Variants in USO1 observed in about 807,000 individuals in gnomAD.
USO1 encodes the protein USO1 vesicle transport factor.
Under a neutral mutation model 124.5 loss-of-function variants are expected in USO1, and 57 were observed. That is an observed-to-expected ratio of 0.46 (90% CI 0.37 to 0.57). USO1 has a LOEUF of 0.57. Among genes scored for constraint, USO1 ranks in the 20% least tolerant of loss-of-function variants. USO1 has a pLI of 0.00. For synonymous variants in USO1, 369 were observed against 362.8 expected (o/e 1.02, Z -0.19); for missense variants, 900 against 1,040.6 (o/e 0.86, Z 1.86).
intron 4 of USO1, among the ~76,000 whole-genome samples, chr4:75,766,155 A>T (rs1375597936): frequency 6.6e-6 from 1 of 152,156 alleles, no homozygotes; most frequent in African/African-American, 2.4e-5. Flanking sequence ...TATAACTTTT[A>T]TGAGAAAGAG....
At position 75,806,564 on chromosome 4, in the gene USO1, T is replaced by C. The variant is rs768494235; in HGVS notation, c.2368T>C (p.Leu790=). The stretch of plus-strand genomic sequence containing the variant: ...TAGAGATTCTGAACAAGTTGCAGAA[T>C]TAAAACAGGTAATTTTCCACTTTGA... ...SARDSEQVAE[L]KQELATLKSQ... The change falls in exon 20 of 24, where the codon TTA becomes CTA. Residue 790 remains leucine, a synonymous_variant. Transcript: ENST00000514213. 12 of 1,554,048 alleles carry C rather than the reference T, an allele frequency of 7.7e-6. No individual in the cohort carries two copies. The highest frequency in any genetic ancestry group is 1.0e-5 in the Non-Finnish European group (12 of 1,148,194).
chr4:75,741,181 G>C (rs935388613), intron 1 of USO1, among the ~76,000 whole-genome samples: 1 of 152,114 alleles, frequency 6.6e-6, no homozygotes, highest in African/African-American at 2.4e-5. Context: ...AATACTGTAG[G>C]CAATTATAAC....
chr4:75,759,259 T>TTTTTTTTTC (rs1353469154), intron 4 of USO1, among the ~76,000 whole-genome samples: 3 of 143,942 alleles, frequency 2.1e-5, no homozygotes, highest in Non-Finnish European at 3.0e-5. Context: ...TTTTTTTTTT[T>TTTTTTTTTC]TTTTTCTGAA....
intron 1 of USO1, 157 bp downstream of exon 1, chr4:75,725,042 G>C (rs1342255810): frequency 1.3e-6 from 1 of 787,268 alleles, no homozygotes; most frequent in Non-Finnish European, 2.0e-6. Flanking sequence ...TGAAATCCCA[G>C]AGTTATTCAA....
rs1174083604 is a variant in USO1 at position 75,770,556 on chromosome 4, G to T, written c.396+17G>T. ...TTATTGGAGGTAAATAGGGAACCTT[G>T]ATGTTTTTGTCATCTTAATAAGCTG... On this transcript the variant is annotated intron_variant, in intron 5 of 23. Coordinates refer to ENST00000514213, the MANE Select transcript of USO1 (RefSeq NM_003715.4). The T allele has an allele frequency of 6.5e-7, 1 of 1,548,708 alleles. No homozygotes were observed.
Position 75,724,711 on chromosome 4 carries a change from G to C in USO1, c.-109G>C, listed in dbSNP as rs900489881. ...CGAGTTGGAGGCGGTGGTGGCAGCA[G>C]TAGGAGTGTGTAGAGTGCGGGATTG... is the stretch of plus-strand genomic sequence containing the variant. On this transcript the variant is annotated 5_prime_UTR_variant, in exon 1 of 24. Transcript: ENST00000514213. 8.9e-7 allele frequency: 1 copy of C among 1,127,638 alleles called. No individual in the cohort carries two copies. Among genetic ancestry groups the C allele is most frequent in the African/African-American group, 1.6e-5 (1 of 63,890 alleles). The allele number at this position is 1,127,638 out of a possible 1,614,324, so 69.9% of individuals were successfully genotyped here. A position where few individuals can be genotyped will look rare whatever the true frequency, so the allele number is the denominator to read the frequency against.
rs1324984157 is a variant in USO1 at position 75,801,146 on chromosome 4, A to G, written c.1932A>G (p.Thr644=). The G allele has an allele frequency of 1.2e-6, 2 of 1,611,104 alleles. No individual in the cohort carries two copies. Among genetic ancestry groups the G allele is most frequent in the South Asian group, 2.2e-5 (2 of 90,436 alleles). The change falls in exon 17 of 24, where the codon ACA becomes ACG. Residue 644 remains threonine (T), a synonymous_variant. Transcript: ENST00000514213. ...EDKKEEEVKK[T]LEQHDNIVTH... Reference sequence around the variant, plus strand: ...AAAAAGAAGAAGAGGTGAAAAAAACATTAGAACAGCATGACAATATTGTGA... The same window carrying G: ...AAAAAGAAGAAGAGGTGAAAAAAACGTTAGAACAGCATGACAATATTGTGA...
intron 4 of USO1, among the ~76,000 whole-genome samples, chr4:75,760,781 AT>A (rs1473760431): frequency 6.6e-6 from 1 of 152,226 alleles, no homozygotes; most frequent in African/African-American, 2.4e-5. Flanking sequence ...CATTACTATT[AT>A]TTCTGCAGCT....
intron 22 of USO1, among the ~76,000 whole-genome samples, chr4:75,811,132 A>G (rs1183409400): frequency 6.6e-6 from 1 of 151,804 alleles, no homozygotes; most frequent in Non-Finnish European, 1.5e-5. Context: ...TATTGAAAAT[A>G]TTTTTGTTTT....
intron 1 of USO1, among the ~76,000 whole-genome samples, chr4:75,741,908 A>C (rs1720972721): frequency 6.6e-6 from 1 of 152,024 alleles, no homozygotes; most frequent in African/African-American, 2.4e-5. Flanking sequence ...TTTTTGTTAA[A>C]AACTAAGACA....
intron 1 of USO1, among the ~76,000 whole-genome samples, chr4:75,730,668 T>A (rs1720605573): frequency 6.6e-6 from 1 of 152,146 alleles, no homozygotes; most frequent in African/African-American, 2.4e-5. Flanking sequence ...TTTTATGTAT[T>A]TACCTTTTAT....
At chr4:75,802,976 C>A (rs1353170399) in intron 17 of USO1, among the ~76,000 whole-genome samples, 1 of 148,526 alleles carries the variant, frequency 6.7e-6, no homozygotes, top group Non-Finnish European at 1.5e-5. Context: ...CCCAGCTACT[C>A]AGGAGGATGA....
intron 22 of USO1, among the ~76,000 whole-genome samples, chr4:75,811,676 G>A (rs1338259981): frequency 6.6e-6 from 1 of 152,190 alleles, no homozygotes; most frequent in Admixed American, 6.5e-5. Context: ...ATGTATAATT[G>A]TGCTTTTTGG....
chr4:75,806,453 A>G (rs1722999001), intron 19 of USO1, 33 bp from the exon 20 acceptor site: 2 of 1,550,314 alleles, frequency 1.3e-6, no homozygotes, highest in Non-Finnish European at 1.7e-6. Flanking sequence ...TAGACTGAAT[A>G]TATTTTATAG....
In USO1 at chr4:75,782,924, T is replaced by C. The variant is rs1722262089; in HGVS notation, c.855+66T>C. 1.2e-5 allele frequency: 18 copies of C among 1,472,660 alleles called. No homozygotes were observed. The Middle Eastern group carries it at 7.1e-4, about 58-fold the overall frequency. The allele number at this position is 1,472,660 out of a possible 1,614,324, so 91.2% of individuals were successfully genotyped here. A position where few individuals can be genotyped will look rare whatever the true frequency, so the allele number is the denominator to read the frequency against. On this transcript the variant is annotated intron_variant, in intron 9 of 23. Coordinates refer to ENST00000514213, the MANE Select transcript of USO1 (RefSeq NM_003715.4). Reference sequence around the variant, plus strand: ...AGTGATCTTTTCAAAGAGAAGAAAATCGCTTGTATTTGATAAATCCAGAAT... The same window carrying C: ...AGTGATCTTTTCAAAGAGAAGAAAACCGCTTGTATTTGATAAATCCAGAAT...
rs558329896 is a variant in USO1, at chr4:75,781,143, G to A, written c.677-1537G>A. Among the ~76,000 whole-genome samples, 4 of 152,252 alleles carry A rather than the reference G, an allele frequency of 2.6e-5. No individual in the cohort carries two copies. In the South Asian group the frequency reaches 8.3e-4, roughly 32 times the overall value. On this transcript the variant is annotated intron_variant, in intron 8 of 23. Transcript: ENST00000514213. ...CAAGATTTACAGGAGTTTGGAAGAA[G>A]TTGATTCCGGCAACCCTCATGGATG...
intron 1 of USO1, among the ~76,000 whole-genome samples, chr4:75,751,943 T>G (rs1334593552): frequency 1.3e-5 from 2 of 152,200 alleles, no homozygotes; most frequent in African/African-American, 2.4e-5. Context: ...TTTGACTTCT[T>G]CTTGTTCAGA....
intron 1 of USO1, among the ~76,000 whole-genome samples, chr4:75,741,854 C>T (rs543724241): frequency 1.3e-5 from 2 of 152,156 alleles, no homozygotes; most frequent in African/African-American, 4.8e-5. Flanking sequence ...TTCGGCCTCC[C>T]AAAGTGCTGG....
intron 20 of USO1, among the ~76,000 whole-genome samples, chr4:75,807,867 T>G (rs977903037): frequency 2.0e-5 from 3 of 152,104 alleles, no homozygotes; most frequent in African/African-American, 7.2e-5. Flanking sequence ...TTTATTTACT[T>G]TTATAAACTT....
Sources: allele counts gnomAD v4.1 joint callset (sites outside exome capture counted in the v4.1 genomes callset), GRCh38; gene constraint gnomAD v4.1.1; transcripts MANE v1.5; gene names NCBI Gene and HGNC (gene_info 2026-07-23, HGNC 2026-07-21).